Variants in TMCC1 observed in about 807,000 individuals in gnomAD.
TMCC1 encodes the protein transmembrane and coiled-coil domains protein 1.
Under a neutral mutation model 52.4 loss-of-function variants are expected in TMCC1, and 15 were observed. The observed-to-expected ratio is 0.29, with a 90% CI of 0.19 to 0.44. The LOEUF (loss-of-function observed/expected upper bound fraction) is 0.44. Ranked by LOEUF, TMCC1 falls within the 20% of genes least tolerant of loss-of-function variation. The pLI is 1.00. For synonymous variants in TMCC1, 279 were observed against 301.9 expected, an observed-to-expected ratio of 0.92 and a Z score of 0.79; for missense variants, 503 against 806.0, an observed-to-expected ratio of 0.62 and a Z score of 4.55.
intron 4 of TMCC1, among the ~76,000 whole-genome samples, chr3:129,763,542 CAAAAAAAAAAAAA>C (rs11354197): frequency 2.2e-5 from 1 of 44,664 alleles, no homozygotes; most frequent in Admixed American, 3.5e-4. Context: ...GACCCTGTCT[CAAAAAAAAAAAAA>C]AAAAAAAAAA....
intron 5 of TMCC1, among the ~76,000 whole-genome samples, chr3:129,667,511 C>A (rs2087565054): frequency 6.6e-6 from 1 of 152,078 alleles, no homozygotes; most frequent in Non-Finnish European, 1.5e-5. Context: ...CAAAACAAGT[C>A]AGATTACGTA....
At chr3:129,837,975 A>G (rs1271071289) in intron 2 of TMCC1, among the ~76,000 whole-genome samples, 1 of 152,194 alleles carries the variant, frequency 6.6e-6, no homozygotes, top group Non-Finnish European at 1.5e-5. Context: ...ATATAAAGAG[A>G]AAAGAGATTT....
At chr3:129,781,849 A>C (rs956571371) in intron 4 of TMCC1, among the ~76,000 whole-genome samples, 2 of 152,192 alleles carry the variant, frequency 1.3e-5, no homozygotes, top group Non-Finnish European at 2.9e-5. Flanking sequence ...GGAGGTTAAT[A>C]CAATAAAACA....
rs554609831 is a variant in TMCC1 at position 129,843,583 on chromosome 3, T to A, written c.-183-10757A>T. Among the ~76,000 whole-genome samples the A allele has an allele frequency of 3.9e-5, 6 of 152,080 alleles. 1 individual carries two copies. The highest frequency in any genetic ancestry group is 3.9e-4 in the Admixed American group (6 of 15,270). Reference sequence around the variant, plus strand: ...TCCAATAGATGTTAAAAAAGAATAATAAAAGATATTACGAACACCTCTATG... The same window carrying A: ...TCCAATAGATGTTAAAAAAGAATAAAAAAAGATATTACGAACACCTCTATG... On this transcript the variant is annotated intron_variant, in intron 2 of 6. Coordinates refer to ENST00000393238, the MANE Select transcript of TMCC1 (RefSeq NM_001017395.5).
chr3:129,795,816 G>T (rs2056785506), intron 4 of TMCC1, among the ~76,000 whole-genome samples: 2 of 152,170 alleles, frequency 1.3e-5, no homozygotes, highest in African/African-American at 4.8e-5. Context: ...ATCCAGCCCT[G>T]GCTCCCACCC....
At chr3:129,741,398 A>T (rs1338621115) in intron 4 of TMCC1, among the ~76,000 whole-genome samples, 1 of 152,168 alleles carries the variant, frequency 6.6e-6, no homozygotes, top group Non-Finnish European at 1.5e-5. Flanking sequence ...TCTCCATTTT[A>T]TAAAAGAGAA....
chr3:129,816,170 C>T (rs556928065), intron 4 of TMCC1, among the ~76,000 whole-genome samples: 30 of 152,214 alleles, frequency 2.0e-4, no homozygotes, highest in African/African-American at 6.0e-4. Context: ...GAAAACTTTA[C>T]GGAGGTTCCT....
chr3:129,726,433 C>T (rs1310490933), intron 4 of TMCC1, among the ~76,000 whole-genome samples: 1 of 152,176 alleles, frequency 6.6e-6, no homozygotes, highest in African/African-American at 2.4e-5. Flanking sequence ...AATACGGTCT[C>T]GCTCTACAGT....
chr3:129,692,523 A>C (rs901967015), intron 4 of TMCC1, among the ~76,000 whole-genome samples: 7 of 152,220 alleles, frequency 4.6e-5, no homozygotes, highest in African/African-American at 7.2e-5. Flanking sequence ...AATGTTAACA[A>C]ATGGCTTCAT....
At chr3:129,788,906 A>G (rs539436147) in intron 4 of TMCC1, among the ~76,000 whole-genome samples, 113 of 152,352 alleles carry the variant, frequency 7.4e-4, no homozygotes, top group African/African-American at 2.6e-3. Flanking sequence ...AGACATATGC[A>G]TAGTAGCAAT....
At chr3:129,890,353 T>C (rs899221549) in intron 1 of TMCC1, among the ~76,000 whole-genome samples, 1 of 152,166 alleles carries the variant, frequency 6.6e-6, no homozygotes, top group African/African-American at 2.4e-5. Flanking sequence ...CCAATATGGA[T>C]AGACAGGAAG....
intron 4 of TMCC1, among the ~76,000 whole-genome samples, chr3:129,765,330 C>T (rs377625415): frequency 2.6e-4 from 39 of 151,420 alleles, no homozygotes; most frequent in Non-Finnish European, 5.0e-4. Flanking sequence ...TCTTTAAAAC[C>T]CTAAAAAATA....
chr3:129,877,938 T>C (rs1189587977), intron 2 of TMCC1, among the ~76,000 whole-genome samples: 1 of 143,762 alleles, frequency 7.0e-6, no homozygotes, highest in Non-Finnish European at 1.5e-5. Flanking sequence ...GACCAGCTTT[T>C]TTTTTAATGT....
intron 4 of TMCC1, among the ~76,000 whole-genome samples, chr3:129,751,517 A>G (rs1348332579): frequency 6.6e-6 from 1 of 151,660 alleles, no homozygotes; most frequent in Non-Finnish European, 1.5e-5. Context: ...CTGACAGAGC[A>G]AGACCCTGTC....
chr3:129,864,040 T>C (rs956061947), intron 2 of TMCC1, among the ~76,000 whole-genome samples: 8 of 152,294 alleles, frequency 5.3e-5, no homozygotes, highest in Non-Finnish European at 1.0e-4. Context: ...GGGTTCATGC[T>C]CTCTCTAAAA....
intron 4 of TMCC1, among the ~76,000 whole-genome samples, chr3:129,677,949 CA>C (rs372268833): frequency 1.4e-4 from 21 of 152,322 alleles, no homozygotes; most frequent in African/African-American, 5.1e-4. Context: ...GTTTTTGAGA[CA>C]GAGTCTCGCT....
intron 5 of TMCC1, among the ~76,000 whole-genome samples, chr3:129,662,441 T>C (rs986654595): frequency 2.6e-5 from 4 of 152,290 alleles, no homozygotes; most frequent in African/African-American, 2.4e-5. Context: ...CAATAGTGTT[T>C]GTGTATCTAG....
intron 4 of TMCC1, among the ~76,000 whole-genome samples, chr3:129,683,901 G>C (rs779271654): frequency 6.6e-6 from 1 of 152,064 alleles, no homozygotes; most frequent in South Asian, 2.1e-4. Flanking sequence ...TAAAATCTTC[G>C]GCAAGGGATA....
chr3:129,718,910 G>A (rs190603426), intron 4 of TMCC1, among the ~76,000 whole-genome samples: 158 of 152,276 alleles, frequency 1.0e-3, no homozygotes, highest in African/African-American at 3.4e-3. Flanking sequence ...GGGGGAGTCA[G>A]AAGTTATACA....
Sources: allele counts gnomAD v4.1 joint callset (sites outside exome capture counted in the v4.1 genomes callset), GRCh38; gene constraint gnomAD v4.1.1; transcripts MANE v1.5; gene names NCBI Gene and HGNC (gene_info 2026-07-23, HGNC 2026-07-21).